Variants in PLCB1 observed in about 807,000 individuals in gnomAD.
The protein encoded by PLCB1 is 1-phosphatidylinositol 4,5-bisphosphate phosphodiesterase beta-1.
In PLCB1, 46 loss-of-function variants were observed where a neutral mutation model predicts 161.8. That is an observed-to-expected ratio of 0.28 (90% CI 0.22 to 0.36). PLCB1 has a LOEUF of 0.36. Ranked by LOEUF, PLCB1 falls within the 10% of genes least tolerant of loss-of-function variation. PLCB1 has a pLI of 1.00. For synonymous variants in PLCB1, 517 were observed against 503.7 expected (o/e 1.03, Z -0.35); for missense variants, 1,016 against 1,472.5 (o/e 0.69, Z 5.07).
At chr20:8,682,310 G>T (rs1207081823) in intron 9 of PLCB1, among the ~76,000 whole-genome samples, 1 of 151,986 alleles carries the variant, frequency 6.6e-6, no homozygotes, top group Non-Finnish European at 1.5e-5. Flanking sequence ...AGACCAGCCT[G>T]GGGAACATAG....
chr20:8,747,417 A>T (rs1320941442), intron 23 of PLCB1, among the ~76,000 whole-genome samples: 1 of 152,196 alleles, frequency 6.6e-6, no homozygotes, highest in East Asian at 1.9e-4. Context: ...TCAAGGCCAA[A>T]ATTGTTCACA....
At chr20:8,253,899 G>A (rs371227721) in intron 2 of PLCB1, among the ~76,000 whole-genome samples, 122 of 152,032 alleles carry the variant, frequency 8.0e-4, no homozygotes, top group African/African-American at 2.9e-3. Context: ...GCATTAATTT[G>A]CTCAAGATAA....
At chr20:8,235,497 T>A (rs915254110) in intron 2 of PLCB1, among the ~76,000 whole-genome samples, 1 of 152,112 alleles carries the variant, frequency 6.6e-6, no homozygotes, top group African/African-American at 2.4e-5. Flanking sequence ...CTAATAATTT[T>A]AAAAATCTCT....
At chr20:8,677,120 A>G (rs1419988389) in intron 9 of PLCB1, among the ~76,000 whole-genome samples, 4 of 152,174 alleles carry the variant, frequency 2.6e-5, no homozygotes, top group Non-Finnish European at 5.9e-5. Context: ...CCGGTCAGGC[A>G]TGTTGGCTCA....
intron 31 of PLCB1, 127 bp downstream of exon 31, chr20:8,790,388 T>A (rs370554595): frequency 7.9e-6 from 5 of 629,928 alleles, no homozygotes; most frequent in East Asian, 2.9e-5. Context: ...ATGAAACTCA[T>A]GTATCTTTCT....
chr20:8,241,901 G>A (rs1980632019), intron 2 of PLCB1, among the ~76,000 whole-genome samples: 1 of 151,938 alleles, frequency 6.6e-6, no homozygotes, highest in Admixed American at 6.6e-5. Context: ...AAGAGGGAGA[G>A]TAGTCTGTGT....
chr20:8,296,418 G>A (rs899481761), intron 2 of PLCB1, among the ~76,000 whole-genome samples: 1 of 152,118 alleles, frequency 6.6e-6, no homozygotes, highest in African/African-American at 2.4e-5. Context: ...TGACAGTGGG[G>A]AACAAGGACA....
intron 2 of PLCB1, among the ~76,000 whole-genome samples, chr20:8,261,754 A>G (rs1363375843): frequency 2.0e-5 from 3 of 152,220 alleles, no homozygotes; most frequent in Admixed American, 1.3e-4. Flanking sequence ...GGACAAAAAC[A>G]TAATAAATGC....
chr20:8,690,481 A>C (rs953457956), intron 10 of PLCB1, among the ~76,000 whole-genome samples: 1 of 152,166 alleles, frequency 6.6e-6, no homozygotes, highest in Non-Finnish European at 1.5e-5. Flanking sequence ...TGGGAGTCAA[A>C]GCTGTCTTCT....
chr20:8,639,393 G>A (rs1464632676), intron 4 of PLCB1, among the ~76,000 whole-genome samples: 2 of 152,214 alleles, frequency 1.3e-5, no homozygotes, highest in Non-Finnish European at 2.9e-5. Flanking sequence ...CTCCACAGGT[G>A]GTTTCTGGCA....
rs1432721283 is a variant in PLCB1 at position 8,289,031 on chromosome 20, G to A, written c.178-82351G>A. ...GAATGAGTAGGGGCGGGATGAGGTA[G>A]GAACTTTGGAAATCTGTGTCATGCC... On this transcript the variant is annotated intron_variant, in intron 2 of 31. Transcript: ENST00000338037. 3.3e-5 allele frequency among the ~76,000 whole-genome samples: 5 copies of A among 152,254 alleles called. No individual in the cohort carries two copies. The East Asian group carries it at 9.7e-4, about 29-fold the overall frequency.
chr20:8,497,616 T>C (rs1983232309), intron 3 of PLCB1, among the ~76,000 whole-genome samples: 2 of 152,188 alleles, frequency 1.3e-5, no homozygotes, highest in South Asian at 4.1e-4. Flanking sequence ...ATAGATTGGT[T>C]GTGGCTGCTG....
chr20:8,697,537 T>C (rs560676825), intron 10 of PLCB1, 89 bp from the exon 11 acceptor site: 247 of 1,324,620 alleles, frequency 1.9e-4, no homozygotes, highest in Non-Finnish European at 2.5e-4. Flanking sequence ...ACTCTTTGTT[T>C]TCCTGTTATT....
At chr20:8,546,518 G>A (rs767136032) in intron 3 of PLCB1, among the ~76,000 whole-genome samples, 1 of 151,986 alleles carries the variant, frequency 6.6e-6, no homozygotes, top group Non-Finnish European at 1.5e-5. Context: ...TACCAAGAAT[G>A]CCACTCTGAT....
chr20:8,643,850 A>G (rs1410259182), intron 4 of PLCB1, among the ~76,000 whole-genome samples: 1 of 150,052 alleles, frequency 6.7e-6, no homozygotes, highest in Non-Finnish European at 1.5e-5. Flanking sequence ...GCCGAGCCAA[A>G]GCTGGACTGT....
chr20:8,452,375 A>G (rs1043503325), intron 3 of PLCB1, among the ~76,000 whole-genome samples: 4 of 152,234 alleles, frequency 2.6e-5, no homozygotes, highest in African/African-American at 9.6e-5. Context: ...TAGATGCAAC[A>G]TGGTCTACTG....
At chr20:8,390,026 C>T (rs1361185438) in intron 3 of PLCB1, among the ~76,000 whole-genome samples, 2 of 152,114 alleles carry the variant, frequency 1.3e-5, no homozygotes, top group African/African-American at 4.8e-5. Flanking sequence ...ATATGCTTGT[C>T]AAAAGGACCA....
intron 2 of PLCB1, among the ~76,000 whole-genome samples, chr20:8,156,268 A>G (rs73080209): frequency 0.043 from 6,571 of 152,276 alleles, 181 homozygotes; most frequent in South Asian, 0.12. Flanking sequence ...GGGATAACTT[A>G]AAGGTGCATT....
At chr20:8,643,484 A>G (rs1167801743) in intron 4 of PLCB1, among the ~76,000 whole-genome samples, 1 of 151,850 alleles carries the variant, frequency 6.6e-6, no homozygotes, top group Non-Finnish European at 1.5e-5. Flanking sequence ...CCATCACTCT[A>G]TGTTCCCTGC....
Sources: allele counts gnomAD v4.1 joint callset (sites outside exome capture counted in the v4.1 genomes callset), GRCh38; gene constraint gnomAD v4.1.1; transcripts MANE v1.5; gene names NCBI Gene and HGNC (gene_info 2026-07-23, HGNC 2026-07-21).